Variants in IL12RB2 observed in about 807,000 individuals in gnomAD.
IL12RB2 encodes the protein interleukin-12 receptor subunit beta-2.
Under a neutral mutation model 89.4 loss-of-function variants are expected in IL12RB2, and 82 were observed. The ratio of observed to expected loss-of-function variants is 0.92; its 90% CI spans 0.77 to 1.10. The LOEUF (loss-of-function observed/expected upper bound fraction) is 1.10. IL12RB2 is among the 50% of genes least tolerant of loss of function. The probability of loss-of-function intolerance (pLI) is 0.00; values close to 1 mark genes in which losing one functional copy is unlikely to be tolerated. For synonymous variants in IL12RB2, 368 were observed against 370.1 expected (o/e 0.99, Z 0.07); for missense variants, 963 against 1,031.9 (o/e 0.93, Z 0.92).
At chr1:67,310,311 A>G (rs1056013088) in intron 1 of IL12RB2, among the ~76,000 whole-genome samples, 3 of 152,026 alleles carry the variant, frequency 2.0e-5, no homozygotes, top group African/African-American at 7.3e-5. Context: ...TTGTTTTCCA[A>G]ATAAGTATTG....
chr1:67,350,600 A>C (rs546753159), intron 9 of IL12RB2, among the ~76,000 whole-genome samples: 1 of 152,252 alleles, frequency 6.6e-6, no homozygotes, highest in South Asian at 2.1e-4. Flanking sequence ...GTTGTCTACT[A>C]TTAGTAAGTT....
At chr1:67,358,971 G>A (rs1228382626) in intron 10 of IL12RB2, among the ~76,000 whole-genome samples, 8 of 151,876 alleles carry the variant, frequency 5.3e-5, no homozygotes, top group African/African-American at 1.2e-4. Flanking sequence ...GTGAAACCCC[G>A]TCTCTACAAA....
At chr1:67,322,034 C>T (rs1656612032) in intron 4 of IL12RB2, 145 bp downstream of exon 4, 1 of 735,476 alleles carries the variant, frequency 1.4e-6, no homozygotes, top group Non-Finnish European at 2.4e-6. Flanking sequence ...TTGATACCGA[C>T]CTGAGAGCTT....
rs150877640 is a variant in IL12RB2, at chr1:67,338,653, A to T, written c.988A>T (p.Met330Leu). The T allele has an allele frequency of 4.3e-4, 672 of 1,554,938 alleles. No homozygotes were observed. Among genetic ancestry groups the T allele is most frequent in the Middle Eastern group, 2.9e-3 (17 of 5,954 alleles). ...EPTGMLDVWY[M>L]KRHIDYSRQQ... is the part of the protein sequence containing the mutation. ...TACTGGGATGTTAGATGTCTGGTAC[A>T]TGAAACGGCACATTGACTACAGTAG... The change falls in exon 9 of 17, where the codon ATG becomes TTG. Residue 330 changes from methionine (M) to leucine (L), a missense_variant. Transcript: ENST00000674203.
At chr1:67,376,461 A>G (rs765585974) in intron 13 of IL12RB2, among the ~76,000 whole-genome samples, 8 of 152,090 alleles carry the variant, frequency 5.3e-5, no homozygotes, top group African/African-American at 1.2e-4. Context: ...ACATCTTCCT[A>G]CACTGGTGCC....
intron 15 of IL12RB2, 89 bp from the exon 16 acceptor site, chr1:67,389,940 C>T: frequency 2.6e-6 from 2 of 780,086 alleles, no homozygotes; most frequent in Admixed American, 1.8e-5. Context: ...AAAAGCAGCC[C>T]TTACACTGAA....
At chr1:67,309,051 T>TATAA (rs1654674094) in intron 1 of IL12RB2, among the ~76,000 whole-genome samples, 1 of 151,404 alleles carries the variant, frequency 6.6e-6, no homozygotes. Flanking sequence ...TATACATATA[T>TATAA]ATATATATAC....
At chr1:67,353,177 A>G (rs1252086858) in intron 10 of IL12RB2, among the ~76,000 whole-genome samples, 1 of 152,238 alleles carries the variant, frequency 6.6e-6, no homozygotes, top group East Asian at 1.9e-4. Context: ...ACCAACATTA[A>G]AGGGATGTTG....
intron 11 of IL12RB2, among the ~76,000 whole-genome samples, chr1:67,369,894 C>T (rs752479750): frequency 2.6e-5 from 4 of 151,704 alleles, no homozygotes; most frequent in East Asian, 1.9e-4. Context: ...TGGTGGTGGG[C>T]GCCTATAATC....
chr1:67,384,903 G>A (rs1018390702), intron 14 of IL12RB2, among the ~76,000 whole-genome samples: 7 of 152,274 alleles, frequency 4.6e-5, no homozygotes, highest in East Asian at 3.9e-4. Flanking sequence ...AAAGTCACTC[G>A]ACAAGTCTCT....
intron 8 of IL12RB2, among the ~76,000 whole-genome samples, chr1:67,334,450 T>C (rs1421190386): frequency 6.6e-6 from 1 of 152,238 alleles, no homozygotes; most frequent in Non-Finnish European, 1.5e-5. Flanking sequence ...TGGAATTTTA[T>C]GTAATCTTCA....
chr1:67,314,337 G>T (rs553855541), intron 2 of IL12RB2, among the ~76,000 whole-genome samples: 1 of 152,140 alleles, frequency 6.6e-6, no homozygotes, highest in East Asian at 1.9e-4. Context: ...AAATACAAAC[G>T]AGGGAATCAG....
chr1:67,398,616 G>T lies in IL12RB2; in HGVS notation c.*2527G>T, dbSNP rs935313206. ...TTCCATATACTTACTTTCTCTGTTG[G>T]ACTGCAGACAACTTGAAAGCAGGAA... On this transcript the variant is annotated 3_prime_UTR_variant, in exon 17 of 17. Coordinates refer to ENST00000674203, the MANE Select transcript of IL12RB2 (RefSeq NM_001374259.2). Among the ~76,000 whole-genome samples the T allele has an allele frequency of 3.3e-5, 5 of 151,734 alleles. No individual in the cohort carries two copies. Among genetic ancestry groups the T allele is most frequent in the Non-Finnish European group, 7.4e-5 (5 of 67,958 alleles).
Position 67,398,311 on chromosome 1 carries a change from T to G in IL12RB2, c.*2222T>G, listed in dbSNP as rs1180176903. Among the ~76,000 whole-genome samples, 1 of 152,098 alleles carries G rather than the reference T, an allele frequency of 6.6e-6. No individual in the cohort carries two copies. Among genetic ancestry groups the G allele is most frequent in the African/African-American group, 2.4e-5 (1 of 41,404 alleles). ...TTTTGGCAATGGGAGCTAACTTCAC[T>G]GTTTTCTTACAATACCTGGTTTTTC... is the stretch of plus-strand genomic sequence containing the variant. On this transcript the variant is annotated 3_prime_UTR_variant, in exon 17 of 17. Transcript: ENST00000674203.
chr1:67,323,315 C>G (rs1373506233), intron 4 of IL12RB2, among the ~76,000 whole-genome samples: 1 of 152,224 alleles, frequency 6.6e-6, no homozygotes, highest in Non-Finnish European at 1.5e-5. Flanking sequence ...GTCATATACT[C>G]TCAGCATTGA....
chr1:67,375,916 G>A (rs532844867), intron 13 of IL12RB2, among the ~76,000 whole-genome samples: 2 of 148,306 alleles, frequency 1.3e-5, no homozygotes, highest in South Asian at 2.1e-4. Context: ...GCGCGATCTC[G>A]GCTCACTGCA....
intron 10 of IL12RB2, among the ~76,000 whole-genome samples, chr1:67,362,844 A>G (rs1662252845): frequency 6.6e-6 from 1 of 152,252 alleles, no homozygotes; most frequent in South Asian, 2.1e-4. Flanking sequence ...ACTTGGAACT[A>G]TATAGAAAAA....
chr1:67,323,233 G>T (rs1656818438), intron 4 of IL12RB2, among the ~76,000 whole-genome samples: 1 of 152,170 alleles, frequency 6.6e-6, no homozygotes, highest in African/African-American at 2.4e-5. Flanking sequence ...GCAGATCATT[G>T]GTAGGAAGGA....
chr1:67,383,123 A>G (rs1232634470), intron 14 of IL12RB2, among the ~76,000 whole-genome samples: 2 of 152,210 alleles, frequency 1.3e-5, no homozygotes, highest in Non-Finnish European at 2.9e-5. Flanking sequence ...GGAAACTTAT[A>G]ATCGTGGCAG....
Sources: allele counts gnomAD v4.1 joint callset (sites outside exome capture counted in the v4.1 genomes callset), GRCh38; gene constraint gnomAD v4.1.1; transcripts MANE v1.5; gene names NCBI Gene and HGNC (gene_info 2026-07-23, HGNC 2026-07-21).